The following SKAP2 variants were observed in gnomAD, a reference collection of about 807,000 sequenced individuals.
The protein encoded by SKAP2 is src kinase-associated phosphoprotein 2.
A neutral mutation model predicts 54.9 loss-of-function variants in SKAP2; 28 were observed. The ratio of observed to expected loss-of-function variants is 0.51; its 90% CI spans 0.38 to 0.70. The LOEUF is 0.70. Ranked by LOEUF, SKAP2 falls within the 30% of genes least tolerant of loss-of-function variation. SKAP2 has a pLI of 0.00. For synonymous variants in SKAP2, 137 were observed against 134.3 expected, an observed-to-expected ratio of 1.02 and a Z score of -0.14; for missense variants, 356 against 424.1, an observed-to-expected ratio of 0.84 and a Z score of 1.41.
At position 26,800,489 on chromosome 7, in the gene SKAP2, AAAAT is replaced by A. The variant is rs1014209467; in HGVS notation, c.307+43537_307+43540del. On this transcript the variant is annotated intron_variant, in intron 4 of 12. Coordinates refer to ENST00000345317, the MANE Select transcript of SKAP2 (RefSeq NM_003930.5). ...ACCAAACCCAAAATTAGTAGAAGAA[AAAAT>A]AAATAAATAAAGACCAGAGCAGAAA... Among the ~76,000 whole-genome samples, 267 of 151,914 alleles carry A rather than the reference AAAAT, an allele frequency of 1.8e-3. 1 individual carries two copies. The highest frequency in any genetic ancestry group is 5.7e-3 in the African/African-American group (235 of 41,476).
chr7:26,775,899 G>C (rs529844811), intron 4 of SKAP2, among the ~76,000 whole-genome samples: 1 of 152,208 alleles, frequency 6.6e-6, no homozygotes, highest in East Asian at 1.9e-4. Context: ...GGTATTCCAA[G>C]GTATGCATAT....
intron 4 of SKAP2, among the ~76,000 whole-genome samples, chr7:26,748,024 G>A (rs1188879522): frequency 2.0e-5 from 3 of 152,072 alleles, no homozygotes; most frequent in Non-Finnish European, 4.4e-5. Context: ...ATATGACACG[G>A]AGTCCAATTA....
At chr7:26,754,999 T>A (rs941440574) in intron 4 of SKAP2, among the ~76,000 whole-genome samples, 15 of 152,240 alleles carry the variant, frequency 9.9e-5, no homozygotes, top group African/African-American at 3.6e-4. Flanking sequence ...TTAGATATGG[T>A]AAGATCTTAT....
At chr7:26,802,171 C>G (rs1290722151) in intron 4 of SKAP2, among the ~76,000 whole-genome samples, 1 of 150,380 alleles carries the variant, frequency 6.6e-6, no homozygotes, top group Non-Finnish European at 1.5e-5. Flanking sequence ...ACCAATGGAA[C>G]AGATTAAAGA....
intron 4 of SKAP2, among the ~76,000 whole-genome samples, chr7:26,774,140 C>T (rs1046313790): frequency 6.6e-6 from 1 of 152,008 alleles, no homozygotes; most frequent in Non-Finnish European, 1.5e-5. Context: ...TGGTGAAACC[C>T]TGTCTCTACT....
rs928677204 is a variant in SKAP2, at chr7:26,827,773, T to C, written c.307+16257A>G. On this transcript the variant is annotated intron_variant, in intron 4 of 12. Transcript: ENST00000345317. ...ACTTAGATAAGGCAGAAATATCAAA[T>C]TGCTATAAACATTTCTAAATGCTTA... is the stretch of plus-strand genomic sequence containing the variant. 5.3e-5 allele frequency among the ~76,000 whole-genome samples: 8 copies of C among 152,278 alleles called. No individual in the cohort carries two copies. The East Asian group carries it at 1.2e-3, about 22-fold the overall frequency.
At chr7:26,773,573 C>T (rs574887170) in intron 4 of SKAP2, among the ~76,000 whole-genome samples, 4 of 152,182 alleles carry the variant, frequency 2.6e-5, no homozygotes, top group Admixed American at 1.3e-4. Flanking sequence ...TCCAACTAAA[C>T]CTCCTAACTT....
chr7:26,831,494 G>C (rs1396332101), intron 4 of SKAP2, among the ~76,000 whole-genome samples: 1 of 152,146 alleles, frequency 6.6e-6, no homozygotes, highest in Non-Finnish European at 1.5e-5. Context: ...CTCACAAACA[G>C]TTGTGTCTAA....
chr7:26,825,680 G>A (rs10227673), intron 4 of SKAP2, among the ~76,000 whole-genome samples: 32,221 of 150,912 alleles, frequency 0.21, 3,493 homozygotes, highest in Non-Finnish European at 0.24. Context: ...AAAATAATAA[G>A]AATTTAAAAA....
chr7:26,775,447 A>C (rs1196329372), intron 4 of SKAP2, among the ~76,000 whole-genome samples: 3 of 152,150 alleles, frequency 2.0e-5, no homozygotes, highest in Non-Finnish European at 2.9e-5. Flanking sequence ...ACATTTTACA[A>C]AACTATAGTA....
intron 4 of SKAP2, among the ~76,000 whole-genome samples, chr7:26,835,877 T>C (rs1326347423): frequency 2.6e-5 from 4 of 152,164 alleles, no homozygotes; most frequent in African/African-American, 7.2e-5. Context: ...AGAGCCCGTA[T>C]AGCCAAGACA....
At chr7:26,808,347 G>C (rs1481126359) in intron 4 of SKAP2, among the ~76,000 whole-genome samples, 1 of 152,104 alleles carries the variant, frequency 6.6e-6, no homozygotes, top group Admixed American at 6.6e-5. Context: ...ATTATGCTAA[G>C]TAAAATAAGC....
rs573942209 is a variant in SKAP2 at position 26,841,435 on chromosome 7, C to T, written c.307+2595G>A. On this transcript the variant is annotated intron_variant, in intron 4 of 12. Transcript: ENST00000345317. ...TTTTCATCCCCATTCAATTTCTATACGGTGCCTGGACCTTGTAAGATTATG... is the reference window on the plus strand; with the variant it reads ...TTTTCATCCCCATTCAATTTCTATATGGTGCCTGGACCTTGTAAGATTATG... Among the ~76,000 whole-genome samples, 6 of 151,952 alleles carry T rather than the reference C, an allele frequency of 3.9e-5. No homozygotes were observed. In the South Asian group the frequency reaches 6.2e-4, roughly 16 times the overall value.
chr7:26,856,315 G>A (rs1301705870), intron 1 of SKAP2, among the ~76,000 whole-genome samples: 2 of 151,586 alleles, frequency 1.3e-5, no homozygotes, highest in Non-Finnish European at 2.9e-5. Context: ...AACAACTGAT[G>A]TATTAAAAAA....
intron 4 of SKAP2, among the ~76,000 whole-genome samples, chr7:26,764,293 T>TA (rs892064633): frequency 3.5e-4 from 54 of 152,182 alleles, no homozygotes; most frequent in African/African-American, 1.1e-3. Context: ...AACTATGCAA[T>TA]AAAAAATAGG....
chr7:26,861,563 A>C (rs1178599369), intron 1 of SKAP2, among the ~76,000 whole-genome samples: 1 of 151,408 alleles, frequency 6.6e-6, no homozygotes, highest in African/African-American at 2.4e-5. Flanking sequence ...CTAGATAGCC[A>C]CTTTTTCAAT....
chr7:26,675,890 G>C (rs1434570594), intron 11 of SKAP2, among the ~76,000 whole-genome samples: 2 of 152,066 alleles, frequency 1.3e-5, no homozygotes, highest in African/African-American at 4.8e-5. Flanking sequence ...GCAGAAAGAA[G>C]GTATTTGTCC....
chr7:26,786,463 T>C lies in SKAP2; in HGVS notation c.308-46499A>G, dbSNP rs560218930. Among the ~76,000 whole-genome samples the C allele has an allele frequency of 5.3e-5, 8 of 152,100 alleles. No individual in the cohort carries two copies. The South Asian group carries it at 1.7e-3, about 32-fold the overall frequency. On this transcript the variant is annotated intron_variant, in intron 4 of 12. Coordinates refer to ENST00000345317, the MANE Select transcript of SKAP2 (RefSeq NM_003930.5). The stretch of plus-strand genomic sequence containing the variant: ...GCTTGGAGAACTATTTTAGGAAGGG[T>C]TGTCTGGGATGACCTCTCTGAAGAG...
intron 4 of SKAP2, among the ~76,000 whole-genome samples, chr7:26,767,489 T>G (rs1703197477): frequency 6.6e-6 from 1 of 152,196 alleles, no homozygotes. Context: ...GTCTTTGTTA[T>G]TTCTTGTCTT....
Sources: gnomAD v4.1 joint callset for allele counts (sites outside exome capture counted in the v4.1 genomes callset) on GRCh38, gnomAD v4.1.1 for gene constraint, MANE v1.5 for transcripts, NCBI Gene and HGNC (gene_info 2026-07-23, HGNC 2026-07-21) for gene names.